The following DIAPH3 variants were observed in gnomAD, a reference collection of about 807,000 sequenced individuals.
The protein encoded by DIAPH3 is protein diaphanous homolog 3.
In DIAPH3, 117 loss-of-function variants were observed where a neutral mutation model predicts 144.3. That is an observed-to-expected ratio of 0.81 (90% CI 0.70 to 0.95). The LOEUF is 0.95. DIAPH3 is among the 40% of genes least tolerant of loss of function. The probability of loss-of-function intolerance (pLI) is 0.00; values close to 1 mark genes in which losing one functional copy is unlikely to be tolerated. For missense variants in DIAPH3, 1,421 were observed against 1,412.7 expected, an observed-to-expected ratio of 1.01 and a Z score of -0.09; for synonymous variants, 519 against 488.9, an observed-to-expected ratio of 1.06 and a Z score of -0.81.
chr13:59,776,575 T>C (rs2139295337), intron 25 of DIAPH3, among the ~76,000 whole-genome samples: 1 of 152,116 alleles, frequency 6.6e-6, no homozygotes, highest in African/African-American at 2.4e-5. Context: ...AAAATCCTAG[T>C]ACTGAAATCA....
At chr13:60,072,166 C>T (rs949233574) in intron 4 of DIAPH3, among the ~76,000 whole-genome samples, 2 of 152,166 alleles carry the variant, frequency 1.3e-5, no homozygotes, top group South Asian at 2.1e-4. Context: ...CTTCTCGATG[C>T]GCATCTGCCA....
chr13:60,016,292 C>A, intron 5 of DIAPH3, 147 bp from the exon 6 acceptor site: 1 of 806,138 alleles, frequency 1.2e-6, no homozygotes, highest in Admixed American at 2.5e-5. Flanking sequence ...TTATTCATGA[C>A]TCATCTTAGT....
Position 59,924,743 on chromosome 13 carries a change from G to C in DIAPH3, c.2170+32C>G, listed in dbSNP as rs780299530. ...AATCATTTAAAGAAATATTTCCACT[G>C]TCTTTGAATGGTATTGGAATATGAT... On this transcript the variant is annotated intron_variant, in intron 18 of 27. Coordinates refer to ENST00000400324, the MANE Select transcript of DIAPH3 (RefSeq NM_001042517.2). The C allele has an allele frequency of 1.9e-6, 3 of 1,589,376 alleles. No individual in the cohort carries two copies. In the South Asian group the frequency reaches 3.3e-5, roughly 18 times the overall value.
intron 4 of DIAPH3, among the ~76,000 whole-genome samples, chr13:60,054,071 A>G (rs2056465702): frequency 6.6e-6 from 1 of 152,014 alleles, no homozygotes; most frequent in Admixed American, 6.6e-5. Flanking sequence ...CTGTTTTCCA[A>G]CTCACTAAAT....
Position 59,992,127 on chromosome 13 carries a change from A to C in DIAPH3, c.1185T>G (p.His395Gln), listed in dbSNP as rs140006650. 7.4e-6 allele frequency: 12 copies of C among 1,612,026 alleles called. No homozygotes were observed. In the East Asian group the frequency reaches 1.8e-4, roughly 24 times the overall value. ...ATAACTCAAACAAATCTTCTTCTTT[A>C]TGCTCATCAAAGACTTTAAGTTGGA... ...LDIQLKVFDEHKEEDLFELSH... is the reference protein window; with the variant it reads ...LDIQLKVFDEQKEEDLFELSH... The change falls in exon 11 of 28, where the codon CAT (histidine) becomes CAG (glutamine). Residue 395 changes from histidine (H) to glutamine (Q), a missense_variant. Physicochemically the swap from His to Gln is conservative, Grantham distance 24. Coordinates refer to ENST00000400324, the MANE Select transcript of DIAPH3 (RefSeq NM_001042517.2).
chr13:59,999,635 C>G (rs2052408102), intron 9 of DIAPH3, among the ~76,000 whole-genome samples: 1 of 152,146 alleles, frequency 6.6e-6, no homozygotes, highest in South Asian at 2.1e-4. Flanking sequence ...TAAAATAGAC[C>G]TGTTCCTGGG....
intron 4 of DIAPH3, among the ~76,000 whole-genome samples, chr13:60,090,954 G>GA (rs1432868417): frequency 6.6e-6 from 1 of 152,158 alleles, no homozygotes; most frequent in Non-Finnish European, 1.5e-5. Flanking sequence ...GATTAAAGTT[G>GA]AAAATCAGTG....
chr13:60,119,933 G>A (rs1220005319), intron 2 of DIAPH3, among the ~76,000 whole-genome samples: 2 of 151,974 alleles, frequency 1.3e-5, no homozygotes, highest in African/African-American at 4.8e-5. Flanking sequence ...GAATGAATGA[G>A]CAATTACTAG....
chr13:59,714,399 G>C (rs1279477942), intron 27 of DIAPH3, among the ~76,000 whole-genome samples: 1 of 150,612 alleles, frequency 6.6e-6, no homozygotes, highest in Non-Finnish European at 1.5e-5. Context: ...GCTAGGCATG[G>C]TGGTACACAC....
chr13:59,833,855 T>C (rs1054788201), intron 23 of DIAPH3, among the ~76,000 whole-genome samples: 1 of 151,680 alleles, frequency 6.6e-6, no homozygotes, highest in Admixed American at 6.6e-5. Flanking sequence ...AAGTGGGCAT[T>C]TAGTAGCACA....
chr13:59,948,033 A>T (rs1341227875), intron 17 of DIAPH3, among the ~76,000 whole-genome samples: 1 of 152,222 alleles, frequency 6.6e-6, no homozygotes, highest in Admixed American at 6.5e-5. Flanking sequence ...CAGGTATCAT[A>T]CCAGGCACTC....
chr13:60,136,762 C>A (rs2059289595), intron 1 of DIAPH3, among the ~76,000 whole-genome samples: 1 of 151,756 alleles, frequency 6.6e-6, no homozygotes, highest in Non-Finnish European at 1.5e-5. Context: ...AGTGAAACCC[C>A]GTCTCTACTA....
chr13:60,027,589 C>T (rs753336835), intron 5 of DIAPH3, among the ~76,000 whole-genome samples: 5 of 152,046 alleles, frequency 3.3e-5, no homozygotes, highest in African/African-American at 7.2e-5. Flanking sequence ...AACAAGAGTT[C>T]TTGACCTTTA....
chr13:59,723,832 C>A lies in DIAPH3; in HGVS notation c.3319+50357G>T, dbSNP rs11843895. 6.6e-5 allele frequency among the ~76,000 whole-genome samples: 10 copies of A among 151,314 alleles called. No homozygotes were observed. The South Asian group carries it at 1.5e-3, about 22-fold the overall frequency. On this transcript the variant is annotated intron_variant, in intron 27 of 27. Coordinates refer to ENST00000400324, the MANE Select transcript of DIAPH3 (RefSeq NM_001042517.2). The stretch of plus-strand genomic sequence containing the variant: ...GTTTCACTATGTTGGCCAGGCTGGT[C>A]TCGAACTCCTGACCTCGTGATCCGC...
chr13:59,828,229 C>T (rs1399215135), intron 24 of DIAPH3, among the ~76,000 whole-genome samples: 1 of 151,958 alleles, frequency 6.6e-6, no homozygotes, highest in Non-Finnish European at 1.5e-5. Context: ...GACCCTCTAT[C>T]CTTCACCTTA....
chr13:60,121,250 A>G (rs952620915), intron 2 of DIAPH3, among the ~76,000 whole-genome samples: 15 of 151,842 alleles, frequency 9.9e-5, no homozygotes, highest in Admixed American at 9.2e-4. Context: ...TTTTTCCTAT[A>G]TGCATAACTG....
chr13:59,771,168 T>C (rs1239550857), intron 27 of DIAPH3, among the ~76,000 whole-genome samples: 6 of 152,126 alleles, frequency 3.9e-5, no homozygotes, highest in Non-Finnish European at 8.8e-5. Context: ...ATGCTCTCTC[T>C]ATATATAAAA....
intron 3 of DIAPH3, among the ~76,000 whole-genome samples, chr13:60,111,292 G>T (rs992006539): frequency 6.6e-6 from 1 of 152,160 alleles, no homozygotes; most frequent in African/African-American, 2.4e-5. Context: ...AGTCTCCACA[G>T]ATCTAAGTGT....
At chr13:60,100,459 G>T (rs911397142) in intron 3 of DIAPH3, among the ~76,000 whole-genome samples, 24 of 152,080 alleles carry the variant, frequency 1.6e-4, no homozygotes, top group African/African-American at 5.3e-4. Flanking sequence ...TGTGATCCTG[G>T]ATTAGATCCT....
Sources: allele counts gnomAD v4.1 joint callset (sites outside exome capture counted in the v4.1 genomes callset), GRCh38; gene constraint gnomAD v4.1.1; transcripts MANE v1.5; gene names NCBI Gene and HGNC (gene_info 2026-07-23, HGNC 2026-07-21).